The following ATP9B variants were observed in gnomAD, a reference collection of about 807,000 sequenced individuals.
The protein encoded by ATP9B is ATPase phospholipid transporting 9B.
Under a neutral mutation model 146.1 loss-of-function variants are expected in ATP9B, and 110 were observed. That is an observed-to-expected ratio of 0.75 (90% CI 0.65 to 0.88). The LOEUF is 0.88. ATP9B is among the 40% of genes least tolerant of loss of function. ATP9B has a pLI of 0.00. For synonymous variants in ATP9B, 604 were observed against 569.7 expected (o/e 1.06, Z -0.86); for missense variants, 1,499 against 1,496.4 (o/e 1.00, Z -0.03).
At chr18:79,209,551 TCTTGATGAC>T in intron 10 of ATP9B, 1 of 567,214 alleles carries the variant, frequency 1.8e-6, no homozygotes, top group Non-Finnish European at 2.2e-6. Flanking sequence ...ACCTCAGTTC[TCTTGATGAC>T]CTTGGCAAGT....
chr18:79,243,155 C>T (rs2095905548), intron 11 of ATP9B, among the ~76,000 whole-genome samples: 1 of 152,184 alleles, frequency 6.6e-6, no homozygotes, highest in Admixed American at 6.5e-5. Flanking sequence ...TTATTAGCTT[C>T]TGGTTAATAG....
At chr18:79,142,531 A>G (rs990081668) in intron 5 of ATP9B, among the ~76,000 whole-genome samples, 2 of 152,174 alleles carry the variant, frequency 1.3e-5, no homozygotes, top group Non-Finnish European at 2.9e-5. Context: ...GGGCATCTCT[A>G]CTGCCGGATG....
At chr18:79,142,787 C>T (rs2094529894) in intron 5 of ATP9B, among the ~76,000 whole-genome samples, 1 of 152,020 alleles carries the variant, frequency 6.6e-6, no homozygotes, top group Non-Finnish European at 1.5e-5. Context: ...TTTGATATAT[C>T]CAAATCTTTA....
rs184001379 is a variant in ATP9B, at chr18:79,087,464, A to G, written c.120-9012A>G. On this transcript the variant is annotated intron_variant, in intron 1 of 29. Transcript: ENST00000426216. ...CAGTTGAAACTTGTAGTTGTATTTG[A>G]TGAAGGAAATATGCACATTTCTTTA... The G allele has an allele frequency of 1.2e-4, 19 of 152,374 alleles. No individual in the cohort carries two copies. In the East Asian group the frequency reaches 3.5e-3, roughly 28 times the overall value. 9.4% of individuals were successfully genotyped at this position (152,374 alleles called of 1,614,324 possible). A position where few individuals can be genotyped will look rare whatever the true frequency, so the allele number is the denominator to read the frequency against.
intron 13 of ATP9B, among the ~76,000 whole-genome samples, chr18:79,291,786 A>G (rs529975126): frequency 1.3e-5 from 2 of 152,246 alleles, no homozygotes; most frequent in Admixed American, 1.3e-4. Context: ...CATTTGTTTA[A>G]TTCAAATGGT....
intron 26 of ATP9B, chr18:79,372,383 T>C (rs1046877514): frequency 3.0e-6 from 1 of 329,874 alleles, no homozygotes; most frequent in African/African-American, 2.2e-5. Flanking sequence ...TCAGTTGAGA[T>C]GTGCCATCCT....
chr18:79,222,791 A>G (rs1281458139), intron 11 of ATP9B, among the ~76,000 whole-genome samples: 1 of 152,198 alleles, frequency 6.6e-6, no homozygotes, highest in Non-Finnish European at 1.5e-5. Context: ...TTACTATTAT[A>G]TTAGTATTTG....
chr18:79,314,934 G>A (rs1599891661), intron 15 of ATP9B, among the ~76,000 whole-genome samples: 1 of 152,204 alleles, frequency 6.6e-6, no homozygotes, highest in African/African-American at 2.4e-5. Context: ...CTGAAGGCGT[G>A]GGGTGGAAGG....
chr18:79,257,182 C>G (rs569921372), intron 12 of ATP9B, among the ~76,000 whole-genome samples: 10 of 152,258 alleles, frequency 6.6e-5, no homozygotes, highest in Middle Eastern at 3.4e-3. Flanking sequence ...CACCTGTAAT[C>G]CCACCTACTT....
chr18:79,284,084 T>C (rs1252420716), intron 13 of ATP9B, among the ~76,000 whole-genome samples: 2 of 152,198 alleles, frequency 1.3e-5, no homozygotes, highest in African/African-American at 2.4e-5. Flanking sequence ...TTGAATCACA[T>C]ATAAGTTTCA....
At chr18:79,186,984 T>G (rs969529705) in intron 8 of ATP9B, among the ~76,000 whole-genome samples, 2 of 152,256 alleles carry the variant, frequency 1.3e-5, no homozygotes, top group Non-Finnish European at 2.9e-5. Flanking sequence ...TCTGAGTTCC[T>G]GCTCCCGCTC....
intron 11 of ATP9B, among the ~76,000 whole-genome samples, chr18:79,247,115 A>T (rs1008579088): frequency 2.0e-5 from 3 of 152,252 alleles, no homozygotes; most frequent in African/African-American, 7.2e-5. Flanking sequence ...AATACTAAAA[A>T]TAAAAGTTTT....
intron 4 of ATP9B, 40 bp downstream of exon 4, chr18:79,113,394 A>T (rs767231177): frequency 1.6e-6 from 2 of 1,217,048 alleles, no homozygotes; most frequent in Non-Finnish European, 2.3e-6. Flanking sequence ...ATTATGAAAT[A>T]TTTAGAATAT....
At chr18:79,324,540 C>G (rs1236413513) in intron 15 of ATP9B, among the ~76,000 whole-genome samples, 1 of 152,180 alleles carries the variant, frequency 6.6e-6, no homozygotes, top group Non-Finnish European at 1.5e-5. Context: ...TGAGGTCTGT[C>G]TGACTCACTC....
intron 15 of ATP9B, among the ~76,000 whole-genome samples, chr18:79,322,725 T>C (rs541447412): frequency 6.6e-6 from 1 of 152,324 alleles, no homozygotes; most frequent in East Asian, 1.9e-4. Flanking sequence ...AAAGTCAAAA[T>C]TTGCTAATTT....
intron 1 of ATP9B, chr18:79,077,947 C>A (rs77698383): frequency 6.6e-6 from 1 of 152,232 alleles, no homozygotes; most frequent in Non-Finnish European, 1.5e-5. Context: ...AAAGCCGGTT[C>A]GATCTTTAAA....
intron 11 of ATP9B, among the ~76,000 whole-genome samples, chr18:79,237,805 G>A (rs965919754): frequency 2.0e-5 from 3 of 151,742 alleles, no homozygotes; most frequent in South Asian, 2.1e-4. Context: ...TCACACCTCC[G>A]CTTCCTGAGT....
At chr18:79,186,592 G>T (rs2095310109) in intron 8 of ATP9B, among the ~76,000 whole-genome samples, 1 of 152,158 alleles carries the variant, frequency 6.6e-6, no homozygotes, top group Non-Finnish European at 1.5e-5. Context: ...GTGATTCTCA[G>T]ACTTGCCTTA....
At chr18:79,320,314 T>G (rs1335725277) in intron 15 of ATP9B, among the ~76,000 whole-genome samples, 4 of 152,034 alleles carry the variant, frequency 2.6e-5, no homozygotes, top group African/African-American at 4.8e-5. Context: ...TGCGAGTACG[T>G]CCTCTGCCAG....
Sources: allele counts gnomAD v4.1 joint callset (sites outside exome capture counted in the v4.1 genomes callset), GRCh38; gene constraint gnomAD v4.1.1; transcripts MANE v1.5; gene names NCBI Gene and HGNC (gene_info 2026-07-23, HGNC 2026-07-21).